NAV2: variants seen among roughly 807,000 people sequenced by gnomAD.
NAV2 encodes the protein helicase, APC down-regulated 1.
A neutral mutation model predicts 223.2 loss-of-function variants in NAV2; 54 were observed. That is an observed-to-expected ratio of 0.24 (90% CI 0.19 to 0.30). The LOEUF is 0.30. NAV2 is among the 10% of genes least tolerant of loss of function. NAV2 has a pLI of 1.00. For missense variants in NAV2, 2,806 were observed against 3,147.5 expected (o/e 0.89, Z 2.60); for synonymous variants, 1,279 against 1,239.3 (o/e 1.03, Z -0.67).
In NAV2 at chr11:19,503,405, T is replaced by G. The variant is rs556926978; in HGVS notation, c.75+152378T>G. The stretch of plus-strand genomic sequence containing the variant: ...ATGATAAGTATCCACCATTATGGTA[T>G]CATACACAGTAGTTTCACTGCCCTA... On this transcript the variant is annotated intron_variant, in intron 1 of 37. Transcript: ENST00000360655. 3 of 152,342 alleles carry G rather than the reference T, an allele frequency of 2.0e-5. No individual in the cohort carries two copies. The South Asian group carries it at 6.2e-4, about 32-fold the overall frequency. The allele number at this position is 152,342 out of a possible 1,614,324, so 9.4% of individuals were successfully genotyped here.
chr11:19,813,066 TTGAA>T (rs565463694), intron 1 of NAV2, among the ~76,000 whole-genome samples: 149 of 152,222 alleles, frequency 9.8e-4, no homozygotes, highest in Admixed American at 3.3e-3. Context: ...CTCTACAAAG[TTGAA>T]TGAAGGCTCA....
At chr11:19,369,771 G>T (rs896561933) in intron 1 of NAV2, among the ~76,000 whole-genome samples, 1 of 152,188 alleles carries the variant, frequency 6.6e-6, no homozygotes. Context: ...TGAGGTTGTT[G>T]TGAATATCGA....
intron 1 of NAV2, among the ~76,000 whole-genome samples, chr11:19,583,691 C>A (rs529386854): frequency 1.4e-5 from 2 of 144,984 alleles, no homozygotes; most frequent in Non-Finnish European, 3.0e-5. Context: ...TATTGATTTG[C>A]GTATGTGGAA....
chr11:19,644,456 C>A (rs1273146278), intron 1 of NAV2, among the ~76,000 whole-genome samples: 1 of 152,226 alleles, frequency 6.6e-6, no homozygotes, highest in East Asian at 1.9e-4. Context: ...TCTCATATAA[C>A]CCTCTGTGGT....
In NAV2 at chr11:19,911,820, C is replaced by T. The variant is rs780718731; in HGVS notation, c.931+19226C>T. Among the ~76,000 whole-genome samples the T allele has an allele frequency of 4.6e-5, 7 of 152,074 alleles. No homozygotes were observed. The East Asian group carries it at 5.8e-4, about 13-fold the overall frequency. On this transcript the variant is annotated intron_variant, in intron 6 of 37. Coordinates refer to ENST00000349880, the MANE Select transcript of NAV2 (RefSeq NM_145117.5). ...TGCTAATAACTTGGTTGACTTACAGCGAAAGGGAGAGCGCATCTTGATCCA... is the reference window on the plus strand; with the variant it reads ...TGCTAATAACTTGGTTGACTTACAGTGAAAGGGAGAGCGCATCTTGATCCA...
chr11:20,011,339 G>T lies in NAV2; in HGVS notation c.2769-24620G>T, dbSNP rs1442611834. Among the ~76,000 whole-genome samples the T allele has an allele frequency of 3.3e-5, 5 of 152,196 alleles. No individual in the cohort carries two copies. In the South Asian group the frequency reaches 6.2e-4, roughly 19 times the overall value. On this transcript the variant is annotated intron_variant, in intron 11 of 37. Transcript: ENST00000349880. ...CAAACAATAGGGATAAAAGAAAAAG[G>T]TTGTAATGTTATATGACACAGAGAA...
chr11:19,475,795 C>A (rs1037349494), intron 1 of NAV2, among the ~76,000 whole-genome samples: 7 of 152,298 alleles, frequency 4.6e-5, no homozygotes, highest in African/African-American at 9.6e-5. Flanking sequence ...GGAGATGTGC[C>A]ATAAAAATCG....
chr11:19,876,954 A>G (rs183544574), intron 4 of NAV2, among the ~76,000 whole-genome samples: 1 of 133,084 alleles, frequency 7.5e-6, no homozygotes, highest in African/African-American at 2.5e-5. Flanking sequence ...ATATTTATTT[A>G]TCAATAAAAA....
intron 1 of NAV2, among the ~76,000 whole-genome samples, chr11:19,604,353 C>T (rs997719788): frequency 2.0e-5 from 3 of 151,834 alleles, no homozygotes; most frequent in Non-Finnish European, 2.9e-5. Flanking sequence ...AATATATGCT[C>T]AAATTAGAGT....
At chr11:19,379,179 G>A (rs1335613654) in intron 1 of NAV2, among the ~76,000 whole-genome samples, 2 of 152,164 alleles carry the variant, frequency 1.3e-5, no homozygotes, top group African/African-American at 4.8e-5. Context: ...GTGGTGAGGA[G>A]ATTGGAAACT....
At chr11:20,070,996 T>G (rs1176581073) in intron 22 of NAV2, among the ~76,000 whole-genome samples, 2 of 152,184 alleles carry the variant, frequency 1.3e-5, no homozygotes, top group African/African-American at 4.8e-5. Context: ...GGGGTACATG[T>G]GCAGAATGTG....
intron 1 of NAV2, among the ~76,000 whole-genome samples, chr11:19,622,785 G>C (rs1204011827): frequency 6.6e-6 from 1 of 152,172 alleles, no homozygotes; most frequent in Non-Finnish European, 1.5e-5. Flanking sequence ...ATATTGTCAT[G>C]TATGAATTTG....
intron 6 of NAV2, among the ~76,000 whole-genome samples, chr11:19,923,221 G>C (rs1288951231): frequency 2.6e-5 from 4 of 152,014 alleles, no homozygotes; most frequent in Admixed American, 2.6e-4. Context: ...CCCTTCATTA[G>C]GACAGTGTTT....
Position 19,713,640 on chromosome 11 carries a change from T to C in NAV2, c.-56T>C. 6.7e-7 allele frequency: 1 copy of C among 1,492,426 alleles called. No individual in the cohort carries two copies. The highest frequency in any genetic ancestry group is 8.9e-7 in the Non-Finnish European group (1 of 1,120,548). 92.4% of individuals were successfully genotyped at this position (1,492,426 alleles called of 1,614,324 possible). ...CTGCTACCCGCGCTGCCTTTAGCGG[T>C]CGCCCCCGCCGCCGCTGCCAGGGAC... is the stretch of plus-strand genomic sequence containing the variant. On this transcript the variant is annotated 5_prime_UTR_variant, in exon 1 of 38. Transcript: ENST00000349880. This position sits in a 1 kb window ranked among gnomAD's most constrained non-coding sequence, Gnocchi z 7.2.
chr11:20,005,357 T>C (rs2052965881), intron 11 of NAV2, among the ~76,000 whole-genome samples: 1 of 151,182 alleles, frequency 6.6e-6, no homozygotes, highest in Non-Finnish European at 1.5e-5. Flanking sequence ...GCAATTCTCC[T>C]CTCTCAACCT....
chr11:19,465,461 TTAAA>T (rs1852317904), intron 1 of NAV2, among the ~76,000 whole-genome samples: 1 of 152,260 alleles, frequency 6.6e-6, no homozygotes, highest in African/African-American at 2.4e-5. Context: ...TTAATTGTTA[TTAAA>T]TAAATCAAAT....
chr11:19,544,755 G>A (rs1413725833), intron 1 of NAV2, among the ~76,000 whole-genome samples: 2 of 152,214 alleles, frequency 1.3e-5, no homozygotes, highest in Non-Finnish European at 2.9e-5. Context: ...AAAAGAACGA[G>A]CCCCAGCTTT....
chr11:19,509,983 A>T (rs1377856292), intron 1 of NAV2, among the ~76,000 whole-genome samples: 1 of 152,030 alleles, frequency 6.6e-6, no homozygotes, highest in Non-Finnish European at 1.5e-5. Flanking sequence ...TTCCAGGAGG[A>T]TCTATCAAAT....
chr11:19,396,149 T>C (rs1849437262), intron 1 of NAV2, among the ~76,000 whole-genome samples: 1 of 152,202 alleles, frequency 6.6e-6, no homozygotes, highest in Non-Finnish European at 1.5e-5. Context: ...GAATAACCAG[T>C]CTCAGCAGCT....
Sources: allele counts gnomAD v4.1 joint callset (sites outside exome capture counted in the v4.1 genomes callset), GRCh38; gene constraint gnomAD v4.1.1; non-coding constraint Gnocchi (gnomAD v3.1); transcripts MANE v1.5; gene names NCBI Gene and HGNC (gene_info 2026-07-23, HGNC 2026-07-21).